CCDC90B: variants seen among roughly 807,000 people sequenced by gnomAD.
CCDC90B encodes the protein coiled-coil domain containing 90B.
In CCDC90B, 24 loss-of-function variants were observed where a neutral mutation model predicts 37.0. That is an observed-to-expected ratio of 0.65 (90% CI 0.47 to 0.91). CCDC90B has a LOEUF of 0.91. Ranked by LOEUF, CCDC90B falls within the 40% of genes least tolerant of loss-of-function variation. The pLI is 0.00. For synonymous variants in CCDC90B, 113 were observed against 101.1 expected, an observed-to-expected ratio of 1.12 and a Z score of -0.71; for missense variants, 319 against 299.0, an observed-to-expected ratio of 1.07 and a Z score of -0.49.
In CCDC90B at chr11:83,259,305, C is replaced by CA. The variant is rs924673881; in HGVS notation, c.*2605dup. 1 of 152,166 alleles carries CA rather than the reference C, an allele frequency of 6.6e-6. No homozygotes were observed. The highest frequency in any genetic ancestry group is 2.4e-5 in the African/African-American group (1 of 41,490). The allele number at this position is 152,166 out of a possible 1,614,324, so 9.4% of individuals were successfully genotyped here. A position where few individuals can be genotyped will look rare whatever the true frequency, so the allele number is the denominator to read the frequency against. Reference sequence around the variant, plus strand: ...ATTTCATATATTTCCATCACTGAAACAAAAATTTACCTGAACCCCAGAACC... The same window carrying CA: ...ATTTCATATATTTCCATCACTGAAACAAAAAATTTACCTGAACCCCAGAACC... On this transcript the variant is annotated 3_prime_UTR_variant, in exon 9 of 9. Transcript: ENST00000529689.
intron 1 of CCDC90B, 51 bp downstream of exon 1, chr11:83,285,822 T>C: frequency 6.4e-7 from 1 of 1,560,756 alleles, no homozygotes; most frequent in Non-Finnish European, 8.6e-7. Context: ...CCCACGGGCA[T>C]CGTCTCCCTA....
chr11:83,283,083 C>G (rs1382742829), intron 1 of CCDC90B, among the ~76,000 whole-genome samples: 3 of 152,122 alleles, frequency 2.0e-5, no homozygotes, highest in African/African-American at 7.2e-5. Flanking sequence ...GTTTGTCAAC[C>G]CCTGCACTAA....
At chr11:83,265,238 T>G (rs1167102414) in intron 8 of CCDC90B, among the ~76,000 whole-genome samples, 1 of 152,170 alleles carries the variant, frequency 6.6e-6, no homozygotes, top group Admixed American at 6.5e-5. Flanking sequence ...AGGAGCTCAG[T>G]ATGTGACAAA....
chr11:83,266,081 A>G (rs1021863835), intron 7 of CCDC90B, 102 bp from the exon 8 acceptor site: 4 of 622,770 alleles, frequency 6.4e-6, no homozygotes, highest in African/African-American at 5.6e-5. Context: ...ATTGTGATAT[A>G]AAAGTCTTAG....
intron 3 of CCDC90B, among the ~76,000 whole-genome samples, chr11:83,278,313 A>C (rs1865167835): frequency 6.6e-6 from 1 of 152,258 alleles, no homozygotes; most frequent in Non-Finnish European, 1.5e-5. Context: ...AGTCCCTCCC[A>C]GCCAACTAAG....
intron 1 of CCDC90B, among the ~76,000 whole-genome samples, chr11:83,280,779 T>C (rs1358595143): frequency 6.6e-6 from 1 of 152,256 alleles, no homozygotes; most frequent in African/African-American, 2.4e-5. Context: ...TGGATCAGAA[T>C]GGAAGTTCCA....
intron 3 of CCDC90B, among the ~76,000 whole-genome samples, chr11:83,276,897 T>C (rs766602433): frequency 6.6e-6 from 1 of 152,176 alleles, no homozygotes; most frequent in Non-Finnish European, 1.5e-5. Context: ...TATTTTATTT[T>C]TTCCCCCTCA....
At chr11:83,262,642 A>T (rs1232418506) in intron 8 of CCDC90B, among the ~76,000 whole-genome samples, 1 of 152,206 alleles carries the variant, frequency 6.6e-6, no homozygotes, top group African/African-American at 2.4e-5. Flanking sequence ...AAAAACAGAC[A>T]AGTGAGAGAT....
chr11:83,278,949 A>T (rs1565218262), intron 2 of CCDC90B, 120 bp from the exon 3 acceptor site: 1 of 604,838 alleles, frequency 1.7e-6, no homozygotes, highest in Non-Finnish European at 2.9e-6. Context: ...GGTTACAATT[A>T]AAAAATTGAC....
chr11:83,265,551 GT>G (rs1864206885), intron 8 of CCDC90B, among the ~76,000 whole-genome samples: 1 of 152,040 alleles, frequency 6.6e-6, no homozygotes, highest in Non-Finnish European at 1.5e-5. Context: ...ATTCTGAAGG[GT>G]AACACATCTG....
chr11:83,275,088 G>A (rs986549763), intron 3 of CCDC90B, among the ~76,000 whole-genome samples: 18 of 152,146 alleles, frequency 1.2e-4, no homozygotes, highest in Middle Eastern at 3.4e-3. Context: ...TTATTACTTT[G>A]ATTTTGAGAG....
intron 1 of CCDC90B, chr11:83,285,201 C>G (rs1415320344): frequency 7.8e-7 from 1 of 1,285,784 alleles, no homozygotes; most frequent in Admixed American, 2.4e-5. Context: ...AACCTTAAAA[C>G]GGTTTAAAAA....
rs749606068 is a variant in CCDC90B at position 83,273,930 on chromosome 11, CT to C, written c.468+20del. 6.3e-6 allele frequency: 10 copies of C among 1,586,876 alleles called. No individual in the cohort carries two copies. Among genetic ancestry groups the C allele is most frequent in the Non-Finnish European group, 6.8e-6 (8 of 1,169,620 alleles). On this transcript the variant is annotated intron_variant, in intron 5 of 8. Coordinates refer to ENST00000529689, the MANE Select transcript of CCDC90B (RefSeq NM_021825.5). Reference sequence around the variant, plus strand: ...CGAATATTTGTTCTGAAATTAACAGCTAGAAAAAAAATTCACTTACCATTAG... The same window carrying C: ...CGAATATTTGTTCTGAAATTAACAGCAGAAAAAAAATTCACTTACCATTAG...
At chr11:83,266,322 G>A (rs1016533938) in intron 7 of CCDC90B, among the ~76,000 whole-genome samples, 2 of 152,346 alleles carry the variant, frequency 1.3e-5, no homozygotes, top group Non-Finnish European at 1.5e-5. Context: ...CCCTGGAAGC[G>A]CAAGGGGTCA....
At chr11:83,263,873 C>G (rs538875205) in intron 8 of CCDC90B, among the ~76,000 whole-genome samples, 1 of 152,170 alleles carries the variant, frequency 6.6e-6, no homozygotes, top group Non-Finnish European at 1.5e-5. Flanking sequence ...GCCCCATCCA[C>G]GGTTCAGCTG....
intron 7 of CCDC90B, among the ~76,000 whole-genome samples, chr11:83,272,034 A>G (rs1864707886): frequency 1.3e-5 from 2 of 152,186 alleles, no homozygotes; most frequent in South Asian, 4.1e-4. Context: ...CAAACACCGC[A>G]TGTTCTCACT....
chr11:83,262,709 A>G (rs560958414), intron 8 of CCDC90B, among the ~76,000 whole-genome samples: 2 of 152,334 alleles, frequency 1.3e-5, no homozygotes, highest in African/African-American at 4.8e-5. Context: ...AAGTAAAGTT[A>G]TTCATAATGT....
At position 83,285,991 on chromosome 11, in the gene CCDC90B, T is replaced by C. The variant is rs758004992; in HGVS notation, c.-19A>G. 2.0e-5 allele frequency: 32 copies of C among 1,601,016 alleles called. No homozygotes were observed. In the Admixed American group the frequency reaches 5.3e-4, roughly 27 times the overall value. On this transcript the variant is annotated 5_prime_UTR_variant, in exon 1 of 9. Transcript: ENST00000529689. ...TATTCATGTCCTCAGAGTTTTCCGG[T>C]GGGAGGGAGGCGGAAGACGGGGTAA...
At chr11:83,273,359 C>A (rs61900305) in intron 7 of CCDC90B, 17,604 of 185,312 alleles carry the variant, frequency 0.095, 1,041 homozygotes, top group Middle Eastern at 0.19. Context: ...GTGTGAGCTA[C>A]TGTGCCTGGC....
Sources: allele counts gnomAD v4.1 joint callset (sites outside exome capture counted in the v4.1 genomes callset), GRCh38; gene constraint gnomAD v4.1.1; transcripts MANE v1.5; gene names NCBI Gene and HGNC (gene_info 2026-07-23, HGNC 2026-07-21).